Variants in STAU2 observed in about 807,000 individuals in gnomAD.
STAU2 encodes double-stranded RNA-binding protein Staufen homolog 2.
In STAU2, 20 loss-of-function variants were observed where a neutral mutation model predicts 65.9. The observed-to-expected ratio is 0.30, with a 90% confidence interval of 0.21 to 0.44. The LOEUF (loss-of-function observed/expected upper bound fraction) is 0.44, where lower values mean the gene tolerates loss of function less well. STAU2 is among the 20% of genes least tolerant of loss of function. The probability of loss-of-function intolerance (pLI) is 1.00; values close to 1 mark genes in which losing one functional copy is unlikely to be tolerated. For missense variants in STAU2, 558 were observed against 683.9 expected, an observed-to-expected ratio of 0.82 and a Z score of 2.05; for synonymous variants, 232 against 233.9, an observed-to-expected ratio of 0.99 and a Z score of 0.07.
intron 6 of STAU2, among the ~76,000 whole-genome samples, chr8:73,647,802 A>G (rs1272605809): frequency 1.3e-5 from 2 of 151,906 alleles, no homozygotes; most frequent in East Asian, 1.9e-4. Context: ...CTGGTCTCAC[A>G]CTCCTGGTCT....
At chr8:73,458,381 C>G (rs1819179053) in intron 13 of STAU2, among the ~76,000 whole-genome samples, 1 of 152,188 alleles carries the variant, frequency 6.6e-6, no homozygotes, top group Non-Finnish European at 1.5e-5. Flanking sequence ...TGTACAAACA[C>G]CTTTTTACTT....
chr8:73,736,849 C>T (rs1217616195), intron 3 of STAU2, among the ~76,000 whole-genome samples: 1 of 152,118 alleles, frequency 6.6e-6, no homozygotes, highest in Non-Finnish European at 1.5e-5. Flanking sequence ...GACTATATGT[C>T]GGAAGGCAGG....
chr8:73,479,396 C>T (rs374038854), intron 13 of STAU2, among the ~76,000 whole-genome samples: 76 of 151,386 alleles, frequency 5.0e-4, no homozygotes, highest in African/African-American at 1.8e-3. Context: ...AGGAACCTTC[C>T]CTTCACGGCA....
chr8:73,633,123 G>C (rs1814224677), intron 6 of STAU2, among the ~76,000 whole-genome samples: 1 of 152,166 alleles, frequency 6.6e-6, no homozygotes, highest in Admixed American at 6.5e-5. Flanking sequence ...TTAAATGAAG[G>C]AGAGGTTATA....
chr8:73,565,953 A>C, intron 12 of STAU2, among the ~76,000 whole-genome samples: 1 of 152,218 alleles, frequency 6.6e-6, no homozygotes, highest in East Asian at 1.9e-4. Context: ...TACTGGATTT[A>C]ATTTTTTTAG....
At chr8:73,514,083 T>C (rs1822569388) in intron 13 of STAU2, among the ~76,000 whole-genome samples, 2 of 152,246 alleles carry the variant, frequency 1.3e-5, no homozygotes, top group Admixed American at 6.5e-5. Context: ...AGGGAATTTG[T>C]TCAGCTCTCA....
At chr8:73,511,245 TTC>T (rs966370166) in intron 13 of STAU2, 2 of 125,642 alleles carry the variant, frequency 1.6e-5, no homozygotes, top group Non-Finnish European at 3.9e-5. Flanking sequence ...ATTAAAGCAC[TTC>T]TCTTTTGGTT....
At chr8:73,551,652 A>T in intron 13 of STAU2, 1 of 999,648 alleles carries the variant, frequency 1.0e-6, no homozygotes, top group East Asian at 1.0e-4. Flanking sequence ...CTGAGTGTGA[A>T]ATACTAACAC....
intron 1 of STAU2, among the ~76,000 whole-genome samples, chr8:73,743,239 C>A (rs572272387): frequency 6.6e-6 from 1 of 150,948 alleles, no homozygotes; most frequent in East Asian, 1.9e-4. Context: ...AAAAAGGAAA[C>A]TAACATTTTT....
intron 11 of STAU2, among the ~76,000 whole-genome samples, chr8:73,583,396 T>C (rs1810136074): frequency 6.6e-6 from 1 of 152,120 alleles, no homozygotes; most frequent in South Asian, 2.1e-4. Context: ...TCCACCCACT[T>C]TGGCCTCCCA....
At chr8:73,543,189 CCA>C (rs1198761630) in intron 13 of STAU2, among the ~76,000 whole-genome samples, 1 of 152,096 alleles carries the variant, frequency 6.6e-6, no homozygotes, top group Non-Finnish European at 1.5e-5. Flanking sequence ...CTGTGTAATT[CCA>C]CCTATATGAA....
At chr8:73,699,562 A>G (rs995779083) in intron 4 of STAU2, among the ~76,000 whole-genome samples, 1 of 152,074 alleles carries the variant, frequency 6.6e-6, no homozygotes, top group African/African-American at 2.4e-5. Context: ...AAAATTGAAA[A>G]ATCTTGAAGA....
intron 13 of STAU2, among the ~76,000 whole-genome samples, chr8:73,497,457 T>C (rs555059228): frequency 2.7e-3 from 408 of 151,474 alleles, no homozygotes; most frequent in Non-Finnish European, 3.1e-3. Context: ...ATAATAAATA[T>C]TGCAATTCTT....
intron 12 of STAU2, among the ~76,000 whole-genome samples, chr8:73,573,726 C>T (rs1219118462): frequency 6.6e-6 from 1 of 152,178 alleles, no homozygotes; most frequent in Admixed American, 6.5e-5. Context: ...TGGATCCCTT[C>T]CTTACACCTT....
At chr8:73,711,668 G>T (rs922458698) in intron 3 of STAU2, among the ~76,000 whole-genome samples, 8 of 152,146 alleles carry the variant, frequency 5.3e-5, no homozygotes, top group African/African-American at 1.7e-4. Context: ...AACCCGTTTG[G>T]TATGAAAACC....
intron 13 of STAU2, among the ~76,000 whole-genome samples, chr8:73,547,511 C>T (rs1807014905): frequency 6.6e-6 from 1 of 152,134 alleles, no homozygotes. Context: ...TTTGCATGAA[C>T]TGGGGCTGCC....
At chr8:73,555,967 T>C (rs1445049180) in intron 12 of STAU2, among the ~76,000 whole-genome samples, 3 of 152,218 alleles carry the variant, frequency 2.0e-5, no homozygotes, top group Non-Finnish European at 4.4e-5. Flanking sequence ...GAAAACATTA[T>C]GTACTGAAAA....
chr8:73,641,715 G>A (rs1338827619), intron 6 of STAU2, among the ~76,000 whole-genome samples: 1 of 152,156 alleles, frequency 6.6e-6, no homozygotes, highest in Non-Finnish European at 1.5e-5. Flanking sequence ...ATCTGGTATT[G>A]TCCAAACTTA....
chr8:73,669,637 T>TTCTCTCTC (rs34037884), intron 6 of STAU2, among the ~76,000 whole-genome samples: 4,433 of 141,270 alleles, frequency 0.031, 101 homozygotes, highest in Middle Eastern at 0.071. Context: ...GAGCCTGGAA[T>TTCTCTCTC]TCTCTCTCTC....
Sources: allele counts gnomAD v4.1 joint callset (sites outside exome capture counted in the v4.1 genomes callset), GRCh38; gene constraint gnomAD v4.1.1; transcripts MANE v1.5; gene names NCBI Gene and HGNC (gene_info 2026-07-23, HGNC 2026-07-21).